The following RTEL1 variants were observed in gnomAD, a reference collection of about 807,000 sequenced individuals.
The protein encoded by RTEL1 is regulator of telomere length.
In RTEL1, 86 loss-of-function variants were observed where a neutral mutation model predicts 162.2. That is an observed-to-expected ratio of 0.53 (90% CI 0.45 to 0.63). RTEL1 has a LOEUF of 0.63. RTEL1 is among the 30% of genes least tolerant of loss of function. The pLI, the probability that RTEL1 is intolerant of heterozygous loss-of-function variation, is 0.00. For synonymous variants in RTEL1, 958 were observed against 717.9 expected (o/e 1.33, Z -5.35); for missense variants, 1,941 against 1,750.2 (o/e 1.11, Z -1.95).
chr20:63,693,020 A>G lies in RTEL1; in HGVS notation c.2851+17A>G, dbSNP rs2090793633. On this transcript the variant is annotated intron_variant, in intron 29 of 34. Coordinates refer to ENST00000360203, the MANE Select transcript of RTEL1 (RefSeq NM_001283009.2). ...TGCTCCAAGGTGCCCTGGCTTGCAG[A>G]GGCCACCCACCCTGAGGGCAGTGCT... 6.2e-7 allele frequency: 1 copy of G among 1,612,038 alleles called. No homozygotes were observed. The highest frequency in any genetic ancestry group is 1.1e-5 in the South Asian group (1 of 91,078).
chr20:63,672,365 G>A (rs575275073), intron 8 of RTEL1, among the ~76,000 whole-genome samples, 191 bp from the exon 9 acceptor site: 4 of 152,172 alleles, frequency 2.6e-5, no homozygotes, highest in African/African-American at 7.2e-5. Context: ...AGCGTCTCCC[G>A]GTATGGCGAA....
Position 63,662,520 on chromosome 20 carries a change from C to T in RTEL1, c.396-26C>T, listed in dbSNP as rs80224512. The stretch of plus-strand genomic sequence containing the variant: ...GTGGGTGTTGGAGACAGCTCCTCCT[C>T]GACCCACGGTGCTCTCTCCCACCAG... On this transcript the variant is annotated intron_variant, in intron 4 of 34. Transcript: ENST00000360203. 43 of 1,613,188 alleles carry T rather than the reference C, an allele frequency of 2.7e-5. No individual in the cohort carries two copies. Among genetic ancestry groups the T allele is most frequent in the South Asian group, 6.6e-5 (6 of 90,814 alleles).
chr20:63,671,612 G>T (rs1047091443), intron 8 of RTEL1, among the ~76,000 whole-genome samples: 5 of 151,298 alleles, frequency 3.3e-5, no homozygotes, highest in African/African-American at 1.2e-4. Context: ...CTCCCGAGTA[G>T]CTGGGACTAC....
intron 2 of RTEL1, among the ~76,000 whole-genome samples, chr20:63,659,890 G>A (rs2089984372): frequency 6.6e-6 from 1 of 152,230 alleles, no homozygotes; most frequent in South Asian, 2.1e-4. Flanking sequence ...CACTATCTCA[G>A]CAAGAGGAAT....
In RTEL1 at chr20:63,694,437, G is replaced by T. The variant is rs771746222; in HGVS notation, c.3058G>T (p.Glu1020Ter). 6.2e-7 allele frequency: 1 copy of T among 1,612,244 alleles called. No homozygotes were observed. Among genetic ancestry groups the T allele is most frequent in the Admixed American group, 1.7e-5 (1 of 60,018 alleles). ...TGCAGCCCAGCAGCTGGACCCCCAA[G>T]AGCACCTGAACCAGGGCAGGCCCCA... is the stretch of plus-strand genomic sequence containing the variant. ...TAAAQQLDPQ[E>*]HLNQGRPHLS... The change falls in exon 31 of 35, where the codon GAG (glutamate) becomes TAG (stop). Residue 1020 changes from glutamate (E) to a stop codon, truncating the protein, a stop_gained. Transcript: ENST00000360203. LOFTEE classifies it high-confidence loss of function.
intron 16 of RTEL1, 49 bp from the exon 17 acceptor site, chr20:63,687,589 C>T (rs2090625780): frequency 6.5e-7 from 1 of 1,546,470 alleles, no homozygotes; most frequent in Admixed American, 1.8e-5. Flanking sequence ...GGTCAGGCCC[C>T]CAGTCCCGTC....
In RTEL1 at chr20:63,695,910, C is replaced by A; in HGVS notation, c.*52C>A. On this transcript the variant is annotated 3_prime_UTR_variant, in exon 35 of 35. Coordinates refer to ENST00000360203, the MANE Select transcript of RTEL1 (RefSeq NM_001283009.2). ...CAACGTGGCTTGATCACCTGCCTGT[C>A]CAGCTCTGGTGGGCCAAGAACCCAC... 6.6e-7 allele frequency: 1 copy of A among 1,516,918 alleles called. No homozygotes were observed. Among genetic ancestry groups the A allele is most frequent in the Non-Finnish European group, 8.9e-7 (1 of 1,121,404 alleles). 94.0% of individuals were successfully genotyped at this position (1,516,918 alleles called of 1,614,324 possible). A position where few individuals can be genotyped will look rare whatever the true frequency, so the allele number is the denominator to read the frequency against.
chr20:63,685,229 G>T (rs2090565619), intron 14 of RTEL1, among the ~76,000 whole-genome samples: 1 of 152,162 alleles, frequency 6.6e-6, no homozygotes, highest in African/African-American at 2.4e-5. Flanking sequence ...CAGGGGCACA[G>T]AGAGGAGGGC....
At chr20:63,693,806 C>T (rs901219267) in intron 30 of RTEL1, among the ~76,000 whole-genome samples, 1 of 139,174 alleles carries the variant, frequency 7.2e-6, no homozygotes, top group Admixed American at 7.3e-5. Flanking sequence ...CTGTGCAACT[C>T]CATGCACAGC....
At position 63,668,311 on chromosome 20, in the gene RTEL1, T is replaced by C. The variant is rs906741428; in HGVS notation, c.699+758T>C. ...GTGGTGACGTTTCCAGATCCCGTCGTTGGTTCGCTCATTCTCGGGGTGTAT... is the reference window on the plus strand; with the variant it reads ...GTGGTGACGTTTCCAGATCCCGTCGCTGGTTCGCTCATTCTCGGGGTGTAT... On this transcript the variant is annotated intron_variant, in intron 8 of 34. Coordinates refer to ENST00000360203, the MANE Select transcript of RTEL1 (RefSeq NM_001283009.2). This position sits in a 1 kb window ranked among gnomAD's most constrained non-coding sequence, Gnocchi z 4.3. 3.7e-4 allele frequency among the ~76,000 whole-genome samples: 57 copies of C among 152,322 alleles called. No homozygotes were observed. Among genetic ancestry groups the C allele is most frequent in the African/African-American group, 1.3e-3 (55 of 41,572 alleles).
At chr20:63,676,874 G>T (rs1569093571) in intron 10 of RTEL1, among the ~76,000 whole-genome samples, 1 of 151,926 alleles carries the variant, frequency 6.6e-6, no homozygotes, top group East Asian at 1.9e-4. Flanking sequence ...GGCGGAGGTT[G>T]CAGTGAGCCG....
At chr20:63,660,026 C>T (rs1384961417) in intron 2 of RTEL1, among the ~76,000 whole-genome samples, 1 of 151,998 alleles carries the variant, frequency 6.6e-6, no homozygotes, top group Admixed American at 6.6e-5. Flanking sequence ...TAGTTTTATG[C>T]TTTTCTCCAC....
chr20:63,690,875 G>A lies in RTEL1; in HGVS notation c.2484G>A (p.Arg828=). 6.3e-7 allele frequency: 1 copy of A among 1,597,774 alleles called. No individual in the cohort carries two copies. The highest frequency in any genetic ancestry group is 1.7e-5 in the Admixed American group (1 of 58,196). The change falls in exon 27 of 35, where the codon CGG becomes CGA. Residue 828 remains arginine (R), a synonymous_variant. Coordinates refer to ENST00000360203, the MANE Select transcript of RTEL1 (RefSeq NM_001283009.2). The stretch of plus-strand genomic sequence containing the variant: ...ATGAGCAGGAGCCAGTTCCTGCCCG[G>A]CAGAGGCCCAGGGGGCTGCTGGCCG... ...VEYEQEPVPA[R]QRPRGLLAAL... is the part of the protein sequence containing the mutation.
At chr20:63,672,658 C>CT in intron 9 of RTEL1, 37 bp downstream of exon 9, 1 of 1,520,336 alleles carries the variant, frequency 6.6e-7, no homozygotes, top group Non-Finnish European at 9.0e-7. Flanking sequence ...CCTCCTATTG[C>CT]TTCTGGCCTT....
At chr20:63,672,519 G>C in intron 8 of RTEL1, 37 bp from the exon 9 acceptor site, 8 of 1,522,308 alleles carry the variant, frequency 5.3e-6, no homozygotes, top group Non-Finnish European at 4.5e-6. Context: ...CGGCCTCTGT[G>C]AGCTCCAGCG....
intron 14 of RTEL1, among the ~76,000 whole-genome samples, chr20:63,682,809 G>A (rs564309267): frequency 2.0e-5 from 3 of 152,368 alleles, no homozygotes; most frequent in Admixed American, 6.5e-5. Flanking sequence ...GGGTCAGGCC[G>A]TGTGCTCGGA....
At chr20:63,686,267 G>A in intron 16 of RTEL1, 1 of 270,322 alleles carries the variant, frequency 3.7e-6, no homozygotes, top group South Asian at 4.1e-5. Flanking sequence ...TCTGAAGGGG[G>A]CCCGGCTGGC....
At chr20:63,688,477 GGATC>G in intron 20 of RTEL1, 47 bp from the exon 21 acceptor site, 1 of 1,606,618 alleles carries the variant, frequency 6.2e-7, no homozygotes, top group Non-Finnish European at 8.5e-7. Flanking sequence ...TGCCCTCATC[GGATC>G]GGCGGCGTGA....
chr20:63,672,528 C>T (rs748863219), intron 8 of RTEL1, 28 bp from the exon 9 acceptor site: 22 of 1,544,660 alleles, frequency 1.4e-5, no homozygotes, highest in East Asian at 4.7e-5. Context: ...TGAGCTCCAG[C>T]GCTGCGTCCC....
Sources: allele counts gnomAD v4.1 joint callset (sites outside exome capture counted in the v4.1 genomes callset), GRCh38; gene constraint gnomAD v4.1.1; non-coding constraint Gnocchi (gnomAD v3.1); transcripts MANE v1.5; gene names NCBI Gene and HGNC (gene_info 2026-07-23, HGNC 2026-07-21).